DNAH3: variants seen among roughly 807,000 people sequenced by gnomAD.
The protein encoded by DNAH3 is axonemal beta dynein heavy chain 3.
Under a neutral mutation model 432.5 loss-of-function variants are expected in DNAH3, and 332 were observed. The observed-to-expected ratio is 0.77, with a 90% CI of 0.70 to 0.84. The LOEUF is 0.84. Ranked by LOEUF, DNAH3 falls within the 40% of genes least tolerant of loss-of-function variation. The pLI, the probability that DNAH3 is intolerant of heterozygous loss-of-function variation, is 0.00. For missense variants in DNAH3, 4,861 were observed against 5,114.0 expected (o/e 0.95, Z 1.51); for synonymous variants, 1,956 against 1,900.2 (o/e 1.03, Z -0.76).
At chr16:21,054,930 C>T (rs2090080606) in intron 27 of DNAH3, among the ~76,000 whole-genome samples, 1 of 151,948 alleles carries the variant, frequency 6.6e-6, no homozygotes. Context: ...TACACAAATG[C>T]ATGTGTTTAT....
chr16:21,042,193 A>G (rs1355410129), exon 32 of DNAH3: 2 of 1,602,856 alleles, frequency 1.2e-6, no homozygotes, highest in Middle Eastern at 1.7e-4. Flanking sequence ...GACCACAGAC[A>G]GCACTTCTAC....
intron 41 of DNAH3, among the ~76,000 whole-genome samples, chr16:21,011,535 A>G (rs1329601047): frequency 1.3e-5 from 2 of 152,010 alleles, no homozygotes; most frequent in Non-Finnish European, 2.9e-5. Flanking sequence ...TTTTCTTTGT[A>G]TTTTTTGTAG....
intron 35 of DNAH3, among the ~76,000 whole-genome samples, chr16:21,035,799 G>A (rs2089139495): frequency 1.3e-5 from 2 of 152,096 alleles, no homozygotes. Context: ...AATACAGTAG[G>A]AAAAAGAATG....
At chr16:20,998,495 C>T (rs912866638) in intron 43 of DNAH3, among the ~76,000 whole-genome samples, 13 of 152,096 alleles carry the variant, frequency 8.5e-5, no homozygotes, top group Admixed American at 3.9e-4. Context: ...TCAGGTGATC[C>T]ACCTGCCTCA....
chr16:21,060,101 G>T (rs757611409), intron 26 of DNAH3, among the ~76,000 whole-genome samples, 163 bp downstream of exon 26: 1 of 152,162 alleles, frequency 6.6e-6, no homozygotes, highest in Non-Finnish European at 1.5e-5. Flanking sequence ...CCAGGAATAG[G>T]TTCATTGCCC....
chr16:21,034,787 A>G (rs551322344), intron 35 of DNAH3, among the ~76,000 whole-genome samples: 1 of 152,354 alleles, frequency 6.6e-6, no homozygotes, highest in African/African-American at 2.4e-5. Context: ...GGAGTGGTAG[A>G]GAAAGGAACA....
chr16:21,117,750 C>G (rs1008729124), intron 11 of DNAH3, among the ~76,000 whole-genome samples: 106 of 152,274 alleles, frequency 7.0e-4, no homozygotes, highest in African/African-American at 2.4e-3. Flanking sequence ...CCATGAAGGT[C>G]TGGATCATAT....
At chr16:20,981,147 A>C (rs2085878470) in intron 49 of DNAH3, among the ~76,000 whole-genome samples, 1 of 152,248 alleles carries the variant, frequency 6.6e-6, no homozygotes, top group Non-Finnish European at 1.5e-5. Context: ...AGTTCTGCAA[A>C]GAACTGATTC....
intron 8 of DNAH3, among the ~76,000 whole-genome samples, chr16:21,126,652 A>G (rs1038356200): frequency 6.6e-6 from 1 of 152,150 alleles, no homozygotes; most frequent in Non-Finnish European, 1.5e-5. Flanking sequence ...CCCCTGGGCC[A>G]TGGACTGGTT....
At chr16:20,975,165 C>T (rs536793888) in intron 51 of DNAH3, 68 bp downstream of exon 51, 9 of 1,556,240 alleles carry the variant, frequency 5.8e-6, no homozygotes, top group African/African-American at 2.7e-5. Context: ...TTTTCTCATC[C>T]GTAAGATGGG....
intron 29 of DNAH3, among the ~76,000 whole-genome samples, chr16:21,050,589 A>G (rs2089913388): frequency 1.3e-5 from 2 of 152,056 alleles, no homozygotes; most frequent in South Asian, 2.1e-4. Flanking sequence ...ACAGGCACAC[A>G]CCACCACACC....
At chr16:21,006,733 T>C (rs2087323036) in intron 41 of DNAH3, among the ~76,000 whole-genome samples, 1 of 152,224 alleles carries the variant, frequency 6.6e-6, no homozygotes, top group Admixed American at 6.5e-5. Flanking sequence ...TCACCCAGGC[T>C]GGAGTGCAGT....
At chr16:21,141,265 T>C (rs112673331) in intron 4 of DNAH3, 35 bp downstream of exon 5, 1 of 1,480,906 alleles carries the variant, frequency 6.8e-7, no homozygotes, top group Admixed American at 1.9e-5. Context: ...CAGCCCACCG[T>C]CCTGCCTTCT....
intron 32 of DNAH3, among the ~76,000 whole-genome samples, chr16:21,040,424 G>A (rs995050499): frequency 1.4e-5 from 2 of 141,580 alleles, no homozygotes; most frequent in Admixed American, 7.4e-5. Flanking sequence ...GAGGGCAGTG[G>A]CACGATCTTG....
intron 54 of DNAH3, among the ~76,000 whole-genome samples, chr16:20,955,932 T>TATTTTC (rs2084543863): frequency 6.6e-6 from 1 of 152,200 alleles, no homozygotes; most frequent in Middle Eastern, 3.4e-3. Flanking sequence ...ATTTTATTTT[T>TATTTTC]ATTTTCATTT....
intron 53 of DNAH3, among the ~76,000 whole-genome samples, chr16:20,961,515 A>AAAAAT (rs71151604): frequency 0.042 from 6,209 of 148,720 alleles, 197 homozygotes; most frequent in African/African-American, 0.086. Context: ...AAATGAATAA[A>AAAAAT]AAAATAAAAT....
chr16:21,153,400 G>A (rs1387551556), intron 1 of DNAH3, among the ~76,000 whole-genome samples: 7 of 152,070 alleles, frequency 4.6e-5, no homozygotes, highest in Non-Finnish European at 1.0e-4. Context: ...CTAATCTGGT[G>A]GGGACTTGGA....
intron 50 of DNAH3, 34 bp from the exon 51 acceptor site, chr16:20,975,449 C>G (rs772554600): frequency 4.4e-6 from 7 of 1,598,720 alleles, no homozygotes; most frequent in Non-Finnish European, 6.0e-6. Context: ...AATCCAGGGT[C>G]AGCACTGAAA....
chr16:20,951,891 T>G (rs969839830), intron 56 of DNAH3, among the ~76,000 whole-genome samples: 6 of 151,912 alleles, frequency 3.9e-5, no homozygotes, highest in Non-Finnish European at 5.9e-5. Context: ...CTACAGGCAC[T>G]GGCCACCATG....
Sources: allele counts gnomAD v4.1 joint callset (sites outside exome capture counted in the v4.1 genomes callset), GRCh38; gene constraint gnomAD v4.1.1; transcripts MANE v1.5; gene names NCBI Gene and HGNC (gene_info 2026-07-23, HGNC 2026-07-21).